The following TGFB2 variants were observed in gnomAD, a reference collection of about 807,000 sequenced individuals.
TGFB2 encodes transforming growth factor beta 2.
TGFB2 carries 13 observed loss-of-function variants against 42.7 expected under a neutral mutation model. The observed-to-expected ratio is 0.30, with a 90% CI of 0.20 to 0.48. The LOEUF (loss-of-function observed/expected upper bound fraction) is 0.48. TGFB2 is among the 20% of genes least tolerant of loss of function. TGFB2 has a pLI of 0.99. For missense variants in TGFB2, 390 were observed against 517.5 expected, an observed-to-expected ratio of 0.75 and a Z score of 2.39; for synonymous variants, 193 against 193.6, an observed-to-expected ratio of 1.00 and a Z score of 0.03.
intron 5 of TGFB2, 110 bp downstream of exon 5, chr1:218,436,257 G>C (rs1326738856): frequency 1.8e-6 from 2 of 1,101,280 alleles, no homozygotes; most frequent in South Asian, 1.6e-5. Context: ...GCTAAGGCCA[G>C]ATAGAGTGCA....
At chr1:218,425,505 C>A (rs1228278021) in intron 2 of TGFB2, among the ~76,000 whole-genome samples, 1 of 152,124 alleles carries the variant, frequency 6.6e-6, no homozygotes, top group Non-Finnish European at 1.5e-5. Context: ...CCGTGCCCGA[C>A]CTGGTCTTCT....
intron 1 of TGFB2, among the ~76,000 whole-genome samples, chr1:218,397,962 G>A (rs1376957854): frequency 2.0e-5 from 3 of 152,198 alleles, no homozygotes. Context: ...GCTTATCTTG[G>A]AAAATCCCCC....
intron 1 of TGFB2, among the ~76,000 whole-genome samples, chr1:218,404,729 A>T (rs1453664367): frequency 6.6e-6 from 1 of 152,230 alleles, no homozygotes; most frequent in Admixed American, 6.5e-5. Context: ...GATTATTTGG[A>T]TGACAAACTT....
rs151173974 is a variant in TGFB2 at position 218,427,523 on chromosome 1, C to T, written c.511-6559C>T. On this transcript the variant is annotated intron_variant, in intron 2 of 6. Transcript: ENST00000366930. ...GGACAAGCCCCAGTGTGTGATGTTC[C>T]CCTTCCTGTGTCCAAGTGTTCTCAT... Among the ~76,000 whole-genome samples, 209 of 152,150 alleles carry T rather than the reference C, an allele frequency of 1.4e-3. 2 individuals are homozygous for T. Among genetic ancestry groups the T allele is most frequent in the African/African-American group, 4.8e-3 (199 of 41,500 alleles).
chr1:218,357,924 G>A (rs537693066), intron 1 of TGFB2, among the ~76,000 whole-genome samples: 1 of 152,302 alleles, frequency 6.6e-6, no homozygotes, highest in Admixed American at 6.5e-5. Context: ...AGGAAGTACT[G>A]TAGTATCTTT....
At chr1:218,397,329 T>G (rs1185259344) in intron 1 of TGFB2, among the ~76,000 whole-genome samples, 1 of 149,768 alleles carries the variant, frequency 6.7e-6, no homozygotes, top group East Asian at 2.0e-4. Context: ...TTTGGGAGGC[T>G]AAGGCAGGCG....
intron 1 of TGFB2, among the ~76,000 whole-genome samples, chr1:218,376,283 T>G (rs576345767): frequency 6.6e-6 from 1 of 152,240 alleles, no homozygotes; most frequent in Non-Finnish European, 1.5e-5. Context: ...GGACAATGTG[T>G]GTTAGTAATG....
rs1660258376 is a variant in TGFB2, at chr1:218,444,525, A to G, written c.*3163A>G. 6.6e-6 allele frequency: 1 copy of G among 152,100 alleles called. No individual in the cohort carries two copies. Among genetic ancestry groups the G allele is most frequent in the African/African-American group, 2.4e-5 (1 of 41,408 alleles). 9.4% of individuals were successfully genotyped at this position (152,100 alleles called of 1,614,324 possible). On this transcript the variant is annotated 3_prime_UTR_variant, in exon 7 of 7. Coordinates refer to ENST00000366930, the MANE Select transcript of TGFB2 (RefSeq NM_003238.6). ...CAAAAAAACCCACCCTATTTCCTCC[A>G]ATTTTTTTGGCTGCTACCTACAAGA...
Position 218,383,658 on chromosome 1 carries a change from C to T in TGFB2, c.347-21511C>T, listed in dbSNP as rs10482757. 5.6e-3 allele frequency among the ~76,000 whole-genome samples: 849 copies of T among 152,264 alleles called. 7 individuals carry two copies. The highest frequency in any genetic ancestry group is 0.019 in the African/African-American group (791 of 41,560). ...TGCAGAAGCCCTTTGTCCCTTCAGCCATACTGTTTGTGAGTTTTTTTACTG... is the reference window on the plus strand; with the variant it reads ...TGCAGAAGCCCTTTGTCCCTTCAGCTATACTGTTTGTGAGTTTTTTTACTG... On this transcript the variant is annotated intron_variant, in intron 1 of 6. Transcript: ENST00000366930.
intron 2 of TGFB2, among the ~76,000 whole-genome samples, chr1:218,415,368 T>C (rs1659239252): frequency 6.6e-6 from 1 of 152,068 alleles, no homozygotes; most frequent in South Asian, 2.1e-4. Flanking sequence ...AAGAATATTT[T>C]CCACTCACTC....
intron 1 of TGFB2, among the ~76,000 whole-genome samples, chr1:218,387,808 G>C (rs1308137095): frequency 6.6e-6 from 1 of 152,204 alleles, no homozygotes; most frequent in Non-Finnish European, 1.5e-5. Context: ...CTGATTGAAG[G>C]CTGGGAAATT....
At chr1:218,411,912 T>A (rs1571881173) in intron 2 of TGFB2, among the ~76,000 whole-genome samples, 1 of 150,388 alleles carries the variant, frequency 6.6e-6, no homozygotes, top group East Asian at 1.9e-4. Context: ...ACAGCATCAC[T>A]TTTGCCTTAC....
intron 6 of TGFB2, 103 bp downstream of exon 6, chr1:218,437,599 T>C: frequency 7.9e-7 from 1 of 1,270,186 alleles, no homozygotes; most frequent in Non-Finnish European, 1.1e-6. Flanking sequence ...TGTCTTACCA[T>C]CACACATGTA....
At chr1:218,349,252 T>C (rs1246618105) in intron 1 of TGFB2, among the ~76,000 whole-genome samples, 1 of 152,182 alleles carries the variant, frequency 6.6e-6, no homozygotes, top group African/African-American at 2.4e-5. Flanking sequence ...TCGATACTAC[T>C]GTGCAAGGAC....
chr1:218,404,554 G>T (rs1291805551), intron 1 of TGFB2, among the ~76,000 whole-genome samples: 1 of 152,168 alleles, frequency 6.6e-6, no homozygotes, highest in Non-Finnish European at 1.5e-5. Context: ...CCTGCATAAA[G>T]AATTTTAAAA....
At chr1:218,408,947 C>T (rs1466394619) in intron 2 of TGFB2, among the ~76,000 whole-genome samples, 1 of 152,194 alleles carries the variant, frequency 6.6e-6, no homozygotes, top group African/African-American at 2.4e-5. Flanking sequence ...TGTTTTCCTG[C>T]AACTATATAT....
At chr1:218,383,465 T>C (rs1296614127) in intron 1 of TGFB2, among the ~76,000 whole-genome samples, 1 of 152,060 alleles carries the variant, frequency 6.6e-6, no homozygotes, top group Non-Finnish European at 1.5e-5. Context: ...GCTGCTAATT[T>C]GCCCTTCAGA....
chr1:218,417,314 C>T (rs923749973), intron 2 of TGFB2, among the ~76,000 whole-genome samples: 1 of 152,138 alleles, frequency 6.6e-6, no homozygotes, highest in Non-Finnish European at 1.5e-5. Context: ...TGACTCTACG[C>T]TTTGTTTTAG....
chr1:218,369,291 A>G (rs186271251), intron 1 of TGFB2, among the ~76,000 whole-genome samples: 3,952 of 129,870 alleles, frequency 0.03, 139 homozygotes, highest in African/African-American at 0.09. Context: ...AAAAAAAAAA[A>G]AATGGTATGT....
Sources: gnomAD v4.1 joint callset for allele counts (sites outside exome capture counted in the v4.1 genomes callset) on GRCh38, gnomAD v4.1.1 for gene constraint, MANE v1.5 for transcripts, NCBI Gene and HGNC (gene_info 2026-07-23, HGNC 2026-07-21) for gene names.